The following ITSN1 variants were observed in gnomAD, a reference collection of about 807,000 sequenced individuals.
The protein encoded by ITSN1 is intersectin 1.
ITSN1 carries 58 observed loss-of-function variants against 239.8 expected under a neutral mutation model. That is an observed-to-expected ratio of 0.24 (90% CI 0.20 to 0.30). ITSN1 has a LOEUF of 0.30. Among genes scored for constraint, ITSN1 ranks in the 10% least tolerant of loss-of-function variants. The probability of loss-of-function intolerance (pLI) is 1.00; values close to 1 mark genes in which losing one functional copy is unlikely to be tolerated. For missense variants in ITSN1, 1,558 were observed against 2,103.3 expected, an observed-to-expected ratio of 0.74 and a Z score of 5.07; for synonymous variants, 780 against 770.8, an observed-to-expected ratio of 1.01 and a Z score of -0.20.
intron 22 of ITSN1, 147 bp downstream of exon 22, chr21:33,814,219 C>A (rs1410528590): frequency 1.5e-6 from 1 of 683,806 alleles, no homozygotes; most frequent in Non-Finnish European, 2.4e-6. Flanking sequence ...AGTGCAGGAG[C>A]CAGAAATCTG....
At chr21:33,715,778 A>G (rs1400113090) in intron 1 of ITSN1, among the ~76,000 whole-genome samples, 3 of 152,066 alleles carry the variant, frequency 2.0e-5, no homozygotes, top group Non-Finnish European at 4.4e-5. Context: ...AGCTGGGCAG[A>G]TGGGGTGTTG....
intron 1 of ITSN1, among the ~76,000 whole-genome samples, chr21:33,689,696 G>C (rs144855002): frequency 6.6e-6 from 1 of 152,238 alleles, no homozygotes; most frequent in African/African-American, 2.4e-5. Context: ...GACTAGGCAT[G>C]GTGGCTCATG....
chr21:33,715,799 T>G (rs1457633233), intron 1 of ITSN1, among the ~76,000 whole-genome samples: 1 of 152,118 alleles, frequency 6.6e-6, no homozygotes, highest in Non-Finnish European at 1.5e-5. Context: ...TCACCTGTAA[T>G]CCCAGCTACT....
intron 34 of ITSN1, among the ~76,000 whole-genome samples, chr21:33,878,691 G>A (rs887277213): frequency 5.9e-5 from 9 of 152,226 alleles, no homozygotes; most frequent in African/African-American, 2.2e-4. Context: ...CCCCGTGGAA[G>A]CCGAGAGGAC....
At chr21:33,818,700 T>G (rs1208707097) in intron 23 of ITSN1, among the ~76,000 whole-genome samples, 1 of 152,216 alleles carries the variant, frequency 6.6e-6, no homozygotes, top group Non-Finnish European at 1.5e-5. Flanking sequence ...CATTGCCTTA[T>G]GCAAGAAGGA....
chr21:33,715,929 AAAT>A (rs1450250161), intron 1 of ITSN1, among the ~76,000 whole-genome samples: 1 of 152,184 alleles, frequency 6.6e-6, no homozygotes, highest in East Asian at 1.9e-4. Flanking sequence ...TAAATAAATA[AAAT>A]AATAAAATAC....
At chr21:33,765,827 G>T in intron 9 of ITSN1, 48 bp from the exon 10 acceptor site, 2 of 1,601,002 alleles carry the variant, frequency 1.2e-6, no homozygotes, top group South Asian at 1.1e-5. Flanking sequence ...ATAGTAAAAA[G>T]CATGAATTTT....
intron 1 of ITSN1, among the ~76,000 whole-genome samples, chr21:33,718,326 T>C (rs548053867): frequency 1.3e-5 from 2 of 152,336 alleles, no homozygotes; most frequent in East Asian, 3.9e-4. Flanking sequence ...GCCCTCCGTA[T>C]CCATGGGTTT....
intron 1 of ITSN1, among the ~76,000 whole-genome samples, chr21:33,650,043 A>G (rs1399547334): frequency 2.0e-5 from 3 of 151,818 alleles, no homozygotes; most frequent in South Asian, 2.1e-4. Flanking sequence ...AAAAAAAAAA[A>G]AAAGAAAGAA....
At chr21:33,848,494 G>A (rs1356592856) in intron 29 of ITSN1, among the ~76,000 whole-genome samples, 1 of 152,244 alleles carries the variant, frequency 6.6e-6, no homozygotes, top group African/African-American at 2.4e-5. Flanking sequence ...CACCAGCGAG[G>A]AGGAAGAGGC....
At chr21:33,798,503 A>G (rs552328022) in intron 18 of ITSN1, among the ~76,000 whole-genome samples, 1 of 152,298 alleles carries the variant, frequency 6.6e-6, no homozygotes, top group African/African-American at 2.4e-5. Flanking sequence ...TATCCTTTAT[A>G]ATATCTGATG....
intron 1 of ITSN1, among the ~76,000 whole-genome samples, chr21:33,669,233 C>T (rs565978542): frequency 8.6e-5 from 13 of 151,850 alleles, no homozygotes; most frequent in African/African-American, 3.1e-4. Flanking sequence ...CAGGTGTGCG[C>T]CACTATGCCT....
intron 14 of ITSN1, among the ~76,000 whole-genome samples, chr21:33,776,573 GAGAA>G (rs1190289598): frequency 6.6e-6 from 1 of 150,502 alleles, no homozygotes; most frequent in African/African-American, 2.4e-5. Context: ...AGAGAGAAAA[GAGAA>G]AGGAAAGAAA....
intron 33 of ITSN1, among the ~76,000 whole-genome samples, chr21:33,873,849 G>A (rs561770261): frequency 1.4e-4 from 21 of 151,854 alleles, no homozygotes; most frequent in Non-Finnish European, 2.6e-4. Context: ...TCCAGCCTGG[G>A]TGACAGAACG....
chr21:33,730,583 G>A (rs1173582298), intron 4 of ITSN1, among the ~76,000 whole-genome samples: 1 of 151,412 alleles, frequency 6.6e-6, no homozygotes, highest in East Asian at 1.9e-4. Context: ...TGTATTTTTA[G>A]TAGAGATGGG....
At chr21:33,788,197 C>G (rs1159088089) in intron 16 of ITSN1, among the ~76,000 whole-genome samples, 1 of 152,084 alleles carries the variant, frequency 6.6e-6, no homozygotes, top group Non-Finnish European at 1.5e-5. Flanking sequence ...GGGTACTTCC[C>G]AAAGCCTCAT....
At chr21:33,690,205 G>A (rs1283987676) in intron 1 of ITSN1, among the ~76,000 whole-genome samples, 1 of 151,988 alleles carries the variant, frequency 6.6e-6, no homozygotes, top group East Asian at 1.9e-4. Context: ...TTGAACCTGG[G>A]AGGTGGAGGT....
chr21:33,650,122 A>T lies in ITSN1; in HGVS notation c.-33+7409A>T, dbSNP rs116766364. Among the ~76,000 whole-genome samples the T allele has an allele frequency of 5.0e-4, 76 of 152,260 alleles. 1 individual carries two copies. The highest frequency in any genetic ancestry group is 1.8e-3 in the African/African-American group (76 of 41,538). ...TTACCCTTGGTGGTTAAAATTAAAC[A>T]TCCTCTTTTTAATACAGGAGGACAA... On this transcript the variant is annotated intron_variant, in intron 1 of 39. Transcript: ENST00000381318.
intron 1 of ITSN1, among the ~76,000 whole-genome samples, chr21:33,656,180 G>C (rs1403960692): frequency 6.6e-6 from 1 of 152,032 alleles, no homozygotes; most frequent in Non-Finnish European, 1.5e-5. Flanking sequence ...ACTCTCATTG[G>C]CTCTCCTGGG....
Sources: allele counts gnomAD v4.1 joint callset (sites outside exome capture counted in the v4.1 genomes callset), GRCh38; gene constraint gnomAD v4.1.1; transcripts MANE v1.5; gene names NCBI Gene and HGNC (gene_info 2026-07-23, HGNC 2026-07-21).